Variants in DNAJC21 observed in about 807,000 individuals in gnomAD.
DNAJC21 encodes dnaJ homolog subfamily C member 21.
DNAJC21 carries 63 observed loss-of-function variants against 72.4 expected under a neutral mutation model. The ratio of observed to expected loss-of-function variants is 0.87; its 90% confidence interval spans 0.71 to 1.07. The LOEUF (loss-of-function observed/expected upper bound fraction) is 1.07. DNAJC21 is among the 50% of genes least tolerant of loss of function. The pLI is 0.00. For synonymous variants in DNAJC21, 203 were observed against 216.7 expected (o/e 0.94, Z 0.56); for missense variants, 634 against 644.8 (o/e 0.98, Z 0.18).
At chr5:34,944,378 A>G (rs1765101657) in intron 7 of DNAJC21, among the ~76,000 whole-genome samples, 2 of 152,222 alleles carry the variant, frequency 1.3e-5, no homozygotes, top group South Asian at 4.1e-4. Flanking sequence ...TCCTTTTAAC[A>G]TTAAAATGTG....
chr5:34,934,017 C>A, intron 2 of DNAJC21, 109 bp downstream of exon 2: 1 of 817,158 alleles, frequency 1.2e-6, no homozygotes, highest in Non-Finnish European at 1.9e-6. Flanking sequence ...TTGGTGTGTT[C>A]TGAAACATCT....
Position 34,935,743 on chromosome 5 carries a change from T to A in DNAJC21, c.225T>A (p.Gly75=). The A allele has an allele frequency of 6.2e-7, 1 of 1,613,986 alleles. No individual in the cohort carries two copies. Among genetic ancestry groups the A allele is most frequent in the Admixed American group, 1.7e-5 (1 of 60,024 alleles). Reference sequence around the variant, plus strand: ...ATCATAGAGAGGCCCTACTTAAAGGTGGGTTTGATGGCGAATATCAAGATG... The same window carrying A: ...ATCATAGAGAGGCCCTACTTAAAGGAGGGTTTGATGGCGAATATCAAGATG... ...YDNHREALLK[G]GFDGEYQDDS... is the part of the protein sequence containing the mutation. The change falls in exon 3 of 12, where the codon GGT becomes GGA. Residue 75 remains glycine, a synonymous_variant. Transcript: ENST00000648817.
chr5:34,947,640 A>G (rs1053084192), intron 9 of DNAJC21, among the ~76,000 whole-genome samples: 1 of 145,914 alleles, frequency 6.9e-6, no homozygotes, highest in African/African-American at 2.5e-5. Flanking sequence ...CAGTGTAGAC[A>G]TGCAGTTTTC....
intron 7 of DNAJC21, among the ~76,000 whole-genome samples, chr5:34,941,778 G>A (rs1765003873): frequency 6.6e-6 from 1 of 151,898 alleles, no homozygotes; most frequent in Non-Finnish European, 1.5e-5. Context: ...TGTTGGTCAG[G>A]CTGGTCTCAA....
intron 5 of DNAJC21, among the ~76,000 whole-genome samples, chr5:34,937,840 G>T (rs1265999504): frequency 6.6e-6 from 1 of 152,152 alleles, no homozygotes; most frequent in Non-Finnish European, 1.5e-5. Context: ...CTGTCACCCA[G>T]GCTGGAGTGC....
rs1221868129 is a variant in DNAJC21 at position 34,937,339 on chromosome 5, T to C, written c.452T>C (p.Phe151Ser). The C allele has an allele frequency of 6.2e-7, 1 of 1,611,628 alleles. No homozygotes were observed. Among genetic ancestry groups the C allele is most frequent in the African/African-American group, 1.3e-5 (1 of 74,660 alleles). ...CTTTGTCACTAGGTAGTCCATCCTT[T>C]CTACGCTTATTGGCAGAGTTTCTGC... ...QSDYDTVVHP[F>S]YAYWQSFCTQ... The change falls in exon 5 of 12, where the codon TTC (phenylalanine) becomes TCC (serine). Residue 151 changes from phenylalanine (F) to serine (S), a missense_variant. Physicochemically the swap from Phe to Ser is radical, Grantham distance 155. Transcript: ENST00000648817.
At chr5:34,950,850 C>T in intron 10 of DNAJC21, 1 of 985,706 alleles carries the variant, frequency 1.0e-6, no homozygotes, top group African/African-American at 1.7e-5. Context: ...GAGGTCTCAC[C>T]CAAGGGAGGT....
intron 6 of DNAJC21, 23 bp from the exon 7 acceptor site, chr5:34,941,073 T>TA: frequency 6.2e-7 from 1 of 1,601,800 alleles, no homozygotes. Flanking sequence ...AGAGGGTTCT[T>TA]ACTGTAGGCT....
chr5:34,942,350 G>A (rs1765023139), intron 7 of DNAJC21, among the ~76,000 whole-genome samples: 1 of 152,052 alleles, frequency 6.6e-6, no homozygotes, highest in South Asian at 2.1e-4. Context: ...AAACAACACG[G>A]GAGAAAATGG....
At chr5:34,931,506 C>T (rs994627128) in intron 1 of DNAJC21, among the ~76,000 whole-genome samples, 1 of 151,986 alleles carries the variant, frequency 6.6e-6, no homozygotes, top group African/African-American at 2.4e-5. Context: ...AATGCTGTGA[C>T]CAAAAGCGTA....
intron 5 of DNAJC21, 136 bp from the exon 6 acceptor site, chr5:34,938,722 G>A (rs1764879515): frequency 1.7e-5 from 16 of 941,684 alleles, no homozygotes; most frequent in Non-Finnish European, 2.3e-5. Context: ...TTTTAACTAA[G>A]CACAGGTTTT....
At chr5:34,933,396 C>T (rs1400892212) in intron 1 of DNAJC21, among the ~76,000 whole-genome samples, 1 of 152,150 alleles carries the variant, frequency 6.6e-6, no homozygotes. Context: ...TTCAGCCTCC[C>T]GAGTAGTTGG....
In DNAJC21 at chr5:34,955,565, C is replaced by G. The variant is rs904680174; in HGVS notation, c.*851C>G. 1 of 150,602 alleles carries G rather than the reference C, an allele frequency of 6.6e-6. No homozygotes were observed. The highest frequency in any genetic ancestry group is 1.5e-5 in the Non-Finnish European group (1 of 67,780). 9.3% of individuals were successfully genotyped at this position (150,602 alleles called of 1,614,324 possible). ...TGTTCTTTTTTTTTTTTCCATCACTCAGTGGAGAAAAGCTTTGTTAATGAA... is the reference window on the plus strand; with the variant it reads ...TGTTCTTTTTTTTTTTTCCATCACTGAGTGGAGAAAAGCTTTGTTAATGAA... On this transcript the variant is annotated 3_prime_UTR_variant, in exon 12 of 12. Coordinates refer to ENST00000648817, the MANE Select transcript of DNAJC21 (RefSeq NM_001012339.3).
At chr5:34,939,812 A>G (rs910024728) in intron 6 of DNAJC21, among the ~76,000 whole-genome samples, 11 of 152,098 alleles carry the variant, frequency 7.2e-5, no homozygotes, top group African/African-American at 2.4e-4. Context: ...ATAGCTGTAT[A>G]TCTGATTTTC....
intron 2 of DNAJC21, among the ~76,000 whole-genome samples, chr5:34,935,094 G>A (rs759693183): frequency 8.5e-5 from 13 of 152,158 alleles, no homozygotes; most frequent in East Asian, 1.9e-4. Flanking sequence ...AAGCAGTACC[G>A]TGTAGTGGCT....
intron 7 of DNAJC21, 38 bp downstream of exon 7, chr5:34,941,221 AGGG>A: frequency 6.4e-7 from 1 of 1,564,872 alleles, no homozygotes; most frequent in Non-Finnish European, 8.8e-7. Context: ...ATTTTGAGAC[AGGG>A]TCTCACTCTG....
chr5:34,952,877 AG>A (rs1765422289), intron 10 of DNAJC21: 1 of 152,192 alleles, frequency 6.6e-6, no homozygotes, highest in African/African-American at 2.4e-5. Flanking sequence ...TAGGCCAGGC[AG>A]GGTGGCTCAC....
chr5:34,935,211 A>G (rs953853772), intron 2 of DNAJC21, among the ~76,000 whole-genome samples: 1 of 152,166 alleles, frequency 6.6e-6, no homozygotes, highest in Admixed American at 6.5e-5. Context: ...CTGAGCTTCC[A>G]TTTCCTTTTA....
intron 10 of DNAJC21, chr5:34,951,587 G>T (rs894794738): frequency 1.0e-6 from 1 of 980,628 alleles, no homozygotes; most frequent in African/African-American, 1.8e-5. Flanking sequence ...GAGTACAGTG[G>T]CGCAACCTCG....
Sources: allele counts gnomAD v4.1 joint callset (sites outside exome capture counted in the v4.1 genomes callset), GRCh38; gene constraint gnomAD v4.1.1; transcripts MANE v1.5; gene names NCBI Gene and HGNC (gene_info 2026-07-23, HGNC 2026-07-21).